Variants in ATXN7 observed in about 807,000 individuals in gnomAD.
The protein encoded by ATXN7 is ataxin 7.
Under a neutral mutation model 70.5 loss-of-function variants are expected in ATXN7, and 12 were observed. The observed-to-expected ratio is 0.17, with a 90% CI of 0.11 to 0.28. The LOEUF is 0.28. Ranked by LOEUF, ATXN7 falls within the 10% of genes least tolerant of loss-of-function variation. ATXN7 has a pLI of 1.00. For missense variants in ATXN7, 1,256 were observed against 1,131.7 expected, an observed-to-expected ratio of 1.11 and a Z score of -1.58; for synonymous variants, 498 against 448.7, an observed-to-expected ratio of 1.11 and a Z score of -1.39.
In ATXN7 at chr3:63,912,712, G is replaced by A; in HGVS notation, c.114G>A (p.Gln38=). 1 of 1,211,688 alleles carries A rather than the reference G, an allele frequency of 8.3e-7. No individual in the cohort carries two copies. The highest frequency in any genetic ancestry group is 3.2e-5 in the South Asian group (1 of 30,908). 75.1% of individuals were successfully genotyped at this position (1,211,688 alleles called of 1,614,324 possible). The change falls in exon 3 of 13, where the codon CAG becomes CAA. Residue 38 remains glutamine, a synonymous_variant. Transcript: ENST00000674280. ...ARQQQQQQQQ[Q]QPPPPQPQRQ... is the part of the protein sequence containing the mutation. The stretch of plus-strand genomic sequence containing the variant: ...AGCAGCAGCAGCAGCAGCAGCAGCA[G>A]CAGCCGCCGCCTCCGCAGCCCCAGC...
chr3:63,957,391 C>T, intron 5 of ATXN7, among the ~76,000 whole-genome samples: 1 of 152,182 alleles, frequency 6.6e-6, no homozygotes, highest in East Asian at 1.9e-4. Context: ...TTGGAGCAGC[C>T]ACTTTTTCCC....
At chr3:63,976,178 C>G (rs1277170392) in intron 5 of ATXN7, among the ~76,000 whole-genome samples, 1 of 152,152 alleles carries the variant, frequency 6.6e-6, no homozygotes, top group African/African-American at 2.4e-5. Flanking sequence ...GGAGCAAACA[C>G]TTTTTTAGAG....
rs548072949 is a variant in ATXN7, at chr3:63,961,599, T to C, written c.499+9116T>C. 2.7e-4 allele frequency among the ~76,000 whole-genome samples: 41 copies of C among 152,228 alleles called. 1 individual carries two copies. The South Asian group carries it at 8.3e-3, about 31-fold the overall frequency. ...TCTATCTTTATATATATATAAATTG[T>C]TTATAATGTGTATATGGATCAAAAC... On this transcript the variant is annotated intron_variant, in intron 5 of 12. Transcript: ENST00000674280.
intron 2 of ATXN7, among the ~76,000 whole-genome samples, chr3:63,908,050 G>C (rs942907780): frequency 1.3e-5 from 2 of 152,190 alleles, no homozygotes; most frequent in Non-Finnish European, 2.9e-5. Context: ...TTAAGGGTTT[G>C]AGATGTTTAG....
intron 4 of ATXN7, among the ~76,000 whole-genome samples, chr3:63,944,506 T>C (rs1335777220): frequency 6.6e-6 from 1 of 151,880 alleles, no homozygotes; most frequent in Non-Finnish European, 1.5e-5. Flanking sequence ...GGATGATACA[T>C]GTCCTGGGCA....
At chr3:63,896,733 T>C (rs1251336767) in intron 1 of ATXN7, among the ~76,000 whole-genome samples, 1 of 152,254 alleles carries the variant, frequency 6.6e-6, no homozygotes, top group Admixed American at 6.5e-5. Flanking sequence ...AAATGTTTAT[T>C]TTTAGTAACT....
At chr3:63,950,984 A>G (rs1161866460) in intron 4 of ATXN7, among the ~76,000 whole-genome samples, 1 of 152,160 alleles carries the variant, frequency 6.6e-6, no homozygotes, top group African/African-American at 2.4e-5. Context: ...ATAAGTCAGA[A>G]TTGAATTCCA....
At chr3:63,911,408 G>A (rs1001391685) in intron 2 of ATXN7, 2 of 152,160 alleles carry the variant, frequency 1.3e-5, no homozygotes, top group East Asian at 3.8e-4. Context: ...ACCGAAAACA[G>A]TATTTTCTAA....
intron 8 of ATXN7, among the ~76,000 whole-genome samples, chr3:63,987,649 T>C (rs1175374255): frequency 6.6e-6 from 1 of 152,184 alleles, no homozygotes; most frequent in Admixed American, 6.5e-5. Flanking sequence ...TTCTTCCCTT[T>C]ACATTAACAT....
intron 4 of ATXN7, among the ~76,000 whole-genome samples, chr3:63,929,971 A>G (rs1274265138): frequency 4.6e-5 from 7 of 152,082 alleles, no homozygotes; most frequent in Non-Finnish European, 8.8e-5. Flanking sequence ...AGTAGTGGAG[A>G]GATGACTGAG....
At chr3:63,889,159 C>T (rs1252964029) in intron 1 of ATXN7, among the ~76,000 whole-genome samples, 1 of 152,072 alleles carries the variant, frequency 6.6e-6, no homozygotes, top group Non-Finnish European at 1.5e-5. Flanking sequence ...TAGCATTAAC[C>T]TTATTGCCTG....
chr3:63,934,440 T>A (rs2107348251), intron 4 of ATXN7, among the ~76,000 whole-genome samples: 1 of 152,266 alleles, frequency 6.6e-6, no homozygotes, highest in East Asian at 1.9e-4. Flanking sequence ...GTCATCCTAC[T>A]TCTTTCCAGA....
intron 4 of ATXN7, among the ~76,000 whole-genome samples, chr3:63,928,606 G>A (rs1476257007): frequency 2.0e-5 from 3 of 152,128 alleles, no homozygotes; most frequent in Non-Finnish European, 4.4e-5. Flanking sequence ...TCTGAAACAG[G>A]TATTTATATT....
At chr3:63,946,731 T>C (rs1178352466) in intron 4 of ATXN7, among the ~76,000 whole-genome samples, 2 of 151,690 alleles carry the variant, frequency 1.3e-5, no homozygotes, top group African/African-American at 4.8e-5. Context: ...TGACTGAGGC[T>C]GGAGAGATGG....
intron 1 of ATXN7, chr3:63,864,716 A>G (rs1159100988): frequency 1.3e-5 from 2 of 152,102 alleles, no homozygotes; most frequent in Admixed American, 6.5e-5. Context: ...TTTGATTTTC[A>G]AAAAATGTCT....
intron 2 of ATXN7, among the ~76,000 whole-genome samples, chr3:63,902,671 T>C (rs934764617): frequency 6.6e-6 from 1 of 152,080 alleles, no homozygotes; most frequent in Admixed American, 6.5e-5. Flanking sequence ...ATATACTCCA[T>C]GAGGAAGAAG....
At chr3:63,952,899 A>G (rs531651807) in intron 5 of ATXN7, among the ~76,000 whole-genome samples, 6 of 121,796 alleles carry the variant, frequency 4.9e-5, no homozygotes, top group East Asian at 2.6e-4. Flanking sequence ...TCTCTGTTCA[A>G]TAGTTCTAAA....
chr3:63,891,775 G>C (rs536937003), intron 1 of ATXN7, among the ~76,000 whole-genome samples: 2 of 152,310 alleles, frequency 1.3e-5, no homozygotes, highest in Admixed American at 1.3e-4. Flanking sequence ...TATTTACAAA[G>C]GCTTAGTAGA....
At chr3:63,996,652 C>G in intron 12 of ATXN7, 169 bp downstream of exon 12, 1 of 860,100 alleles carries the variant, frequency 1.2e-6, no homozygotes, top group Non-Finnish European at 1.7e-6. Flanking sequence ...GGTTCACGGC[C>G]GTATGAAGGT....
Sources: gnomAD v4.1 joint callset for allele counts (sites outside exome capture counted in the v4.1 genomes callset) on GRCh38, gnomAD v4.1.1 for gene constraint, MANE v1.5 for transcripts, NCBI Gene and HGNC (gene_info 2026-07-23, HGNC 2026-07-21) for gene names.